The following HS3ST5 variants were observed in gnomAD, a reference collection of about 807,000 sequenced individuals.
HS3ST5 encodes heparan sulfate-glucosamine 3-sulfotransferase 5.
A neutral mutation model predicts 25.4 loss-of-function variants in HS3ST5; 10 were observed. The ratio of observed to expected loss-of-function variants is 0.39; its 90% CI spans 0.24 to 0.67. The LOEUF is 0.67. Among genes scored for constraint, HS3ST5 ranks in the 30% least tolerant of loss-of-function variants. The pLI, the probability that HS3ST5 is intolerant of heterozygous loss-of-function variation, is 0.44. For missense variants in HS3ST5, 324 were observed against 420.7 expected, an observed-to-expected ratio of 0.77 and a Z score of 2.01; for synonymous variants, 170 against 162.4, an observed-to-expected ratio of 1.05 and a Z score of -0.36.
intron 2 of HS3ST5, among the ~76,000 whole-genome samples, chr6:114,176,223 T>G (rs748237021): frequency 6.7e-6 from 1 of 150,062 alleles, no homozygotes; most frequent in Non-Finnish European, 1.5e-5. Context: ...TGTTTCAAAT[T>G]GATTCTGAGG....
intron 1 of HS3ST5, among the ~76,000 whole-genome samples, chr6:114,272,914 A>G (rs1773694766): frequency 6.6e-6 from 1 of 152,024 alleles, no homozygotes; most frequent in African/African-American, 2.4e-5. Context: ...AGCAGAAGAT[A>G]CATTCAGAGA....
intron 3 of HS3ST5, among the ~76,000 whole-genome samples, chr6:114,065,808 C>CCTCA (rs1773414552): frequency 6.6e-6 from 1 of 152,190 alleles, no homozygotes; most frequent in South Asian, 2.1e-4. Context: ...GGGTCTCCAG[C>CCTCA]CTCATACAGG....
intron 3 of HS3ST5, among the ~76,000 whole-genome samples, chr6:114,093,809 A>G (rs925403699): frequency 6.6e-6 from 1 of 152,106 alleles, no homozygotes; most frequent in African/African-American, 2.4e-5. Context: ...AGAAAATATG[A>G]TTTGTGTTAA....
Position 114,197,773 on chromosome 6 carries a change from C to T in HS3ST5, c.-144-29311G>A, listed in dbSNP as rs577365099. Among the ~76,000 whole-genome samples, 39 of 152,180 alleles carry T rather than the reference C, an allele frequency of 2.6e-4. No individual in the cohort carries two copies. The South Asian group carries it at 8.1e-3, about 32-fold the overall frequency. On this transcript the variant is annotated intron_variant, in intron 2 of 4. Coordinates refer to ENST00000312719, the MANE Select transcript of HS3ST5 (RefSeq NM_153612.4). ...GTGCTAATTTGCTTGGGATAATGGC[C>T]TCCAGCTGTATCTATGTTGCTGCAA...
chr6:114,318,603 T>C (rs1031480000), intron 1 of HS3ST5, among the ~76,000 whole-genome samples: 2 of 152,184 alleles, frequency 1.3e-5, no homozygotes, highest in Admixed American at 6.5e-5. Flanking sequence ...TAGCTCTTTA[T>C]AATTAACTGA....
At chr6:114,089,935 T>G (rs984675479) in intron 3 of HS3ST5, among the ~76,000 whole-genome samples, 2 of 152,222 alleles carry the variant, frequency 1.3e-5, no homozygotes, top group African/African-American at 4.8e-5. Context: ...TCGGAATAAT[T>G]GTTAAACTGG....
intron 1 of HS3ST5, among the ~76,000 whole-genome samples, chr6:114,314,124 C>T (rs185096996): frequency 2.6e-5 from 4 of 152,212 alleles, no homozygotes; most frequent in African/African-American, 4.8e-5. Flanking sequence ...GATGGGGTTT[C>T]GCCATGTTGG....
intron 3 of HS3ST5, among the ~76,000 whole-genome samples, chr6:114,157,083 C>T (rs1391717658): frequency 6.6e-6 from 1 of 151,942 alleles, no homozygotes; most frequent in Non-Finnish European, 1.5e-5. Flanking sequence ...TGTCTTCCAC[C>T]CCTCACCTTC....
chr6:114,224,820 C>G (rs1412558824), intron 2 of HS3ST5, among the ~76,000 whole-genome samples: 4 of 151,508 alleles, frequency 2.6e-5, no homozygotes, highest in Non-Finnish European at 5.9e-5. Flanking sequence ...TCACCCTAAT[C>G]TCTATATTTA....
intron 3 of HS3ST5, among the ~76,000 whole-genome samples, chr6:114,083,949 TACATC>T (rs1158369155): frequency 6.6e-6 from 1 of 152,192 alleles, no homozygotes; most frequent in African/African-American, 2.4e-5. Flanking sequence ...CTATCTTCAT[TACATC>T]TAATATGTTG....
chr6:114,090,309 T>C (rs1775057583), intron 3 of HS3ST5, among the ~76,000 whole-genome samples: 1 of 152,210 alleles, frequency 6.6e-6, no homozygotes, highest in South Asian at 2.1e-4. Context: ...GGTTTATTAG[T>C]ATACTTTGTA....
Position 114,057,381 on chromosome 6 carries a change from G to A in HS3ST5, c.917C>T (p.Ala306Val), listed in dbSNP as rs146746045. ...TGGATGAATGCGCCCCTTGCTGCCC[G>A]CCAGGCACTTATTAAAGATAATATT... ...RFNIIFNKCLAGSKGRIHPEV... is the reference protein window; with the variant it reads ...RFNIIFNKCLVGSKGRIHPEV... The change falls in exon 5 of 5, where the codon GCG becomes GTG. Residue 306 changes from alanine (A) to valine (V), a missense_variant. Around this residue, in one of 2 missense-constraint regions of HS3ST5, gnomAD observed 203 missense variants for 303.4 expected, o/e 0.67. Transcript: ENST00000312719. 33 of 1,613,918 alleles carry A rather than the reference G, an allele frequency of 2.0e-5. No homozygotes were observed. The highest frequency in any genetic ancestry group is 2.7e-5 in the Non-Finnish European group (32 of 1,179,984).
intron 1 of HS3ST5, among the ~76,000 whole-genome samples, chr6:114,276,536 T>C (rs545850921): frequency 3.3e-5 from 5 of 151,524 alleles, no homozygotes; most frequent in African/African-American, 1.2e-4. Context: ...TTTTTTTGTA[T>C]GAGTACAAAT....
At chr6:114,269,895 A>G (rs1035627869) in intron 1 of HS3ST5, among the ~76,000 whole-genome samples, 9 of 152,172 alleles carry the variant, frequency 5.9e-5, no homozygotes, top group Non-Finnish European at 7.4e-5. Context: ...TGGCTTGATA[A>G]TGGATTTAAT....
intron 1 of HS3ST5, among the ~76,000 whole-genome samples, chr6:114,259,066 G>T (rs902603816): frequency 6.6e-6 from 1 of 152,138 alleles, no homozygotes; most frequent in Non-Finnish European, 1.5e-5. Context: ...AGTAGTAATG[G>T]TTAATGTTAG....
At chr6:114,279,664 C>T (rs1774017079) in intron 1 of HS3ST5, among the ~76,000 whole-genome samples, 1 of 151,854 alleles carries the variant, frequency 6.6e-6, no homozygotes, top group African/African-American at 2.4e-5. Context: ...GACATGGCCC[C>T]GGTATGGCTG....
At chr6:114,249,439 A>G (rs556402242) in intron 1 of HS3ST5, among the ~76,000 whole-genome samples, 2 of 152,362 alleles carry the variant, frequency 1.3e-5, no homozygotes, top group South Asian at 2.1e-4. Context: ...CCTGGGATAC[A>G]TAACTATCAT....
intron 1 of HS3ST5, among the ~76,000 whole-genome samples, chr6:114,240,449 T>C (rs2114580843): frequency 1.3e-5 from 2 of 152,244 alleles, no homozygotes; most frequent in East Asian, 3.9e-4. Flanking sequence ...AGATGTAGTA[T>C]GTGAAAGGAG....
At chr6:114,215,271 A>T (rs989810854) in intron 2 of HS3ST5, among the ~76,000 whole-genome samples, 1 of 152,084 alleles carries the variant, frequency 6.6e-6, no homozygotes, top group South Asian at 2.1e-4. Context: ...ACGCCACTGC[A>T]CTCCAGCCTG....
Sources: gnomAD v4.1 joint callset for allele counts (sites outside exome capture counted in the v4.1 genomes callset) on GRCh38, gnomAD v4.1.1 for gene constraint, gnomAD v4.1.1 regional missense constraint, MANE v1.5 for transcripts, NCBI Gene and HGNC (gene_info 2026-07-23, HGNC 2026-07-21) for gene names.